The following DNTT variants were observed in gnomAD, a reference collection of about 807,000 sequenced individuals.
The protein encoded by DNTT is DNA nucleotidylexotransferase, also known as nucleosidetriphosphate:DNA deoxynucleotidylexotransferase.
In DNTT, 47 loss-of-function variants were observed where a neutral mutation model predicts 60.9. The observed-to-expected ratio is 0.77, with a 90% CI of 0.61 to 0.98. DNTT has a LOEUF of 0.98. Ranked by LOEUF, DNTT falls within the 50% of genes least tolerant of loss-of-function variation. DNTT has a pLI of 0.00. For missense variants in DNTT, 665 were observed against 627.5 expected, an observed-to-expected ratio of 1.06 and a Z score of -0.64; for synonymous variants, 224 against 221.2, an observed-to-expected ratio of 1.01 and a Z score of -0.11.
intron 1 of DNTT, among the ~76,000 whole-genome samples, chr10:96,308,912 G>A (rs976997017): frequency 1.3e-5 from 2 of 152,190 alleles, no homozygotes; most frequent in African/African-American, 4.8e-5. Flanking sequence ...CATCAGTTAA[G>A]GCTATTTTCA....
At chr10:96,327,316 C>T in intron 6 of DNTT, 152 bp from the exon 7 acceptor site, 1 of 1,177,400 alleles carries the variant, frequency 8.5e-7, no homozygotes. Context: ...AGGAGAACCA[C>T]ATGGACTATT....
chr10:96,337,814 A>G (rs1380379820), intron 10 of DNTT, among the ~76,000 whole-genome samples: 1 of 152,240 alleles, frequency 6.6e-6, no homozygotes, highest in East Asian at 1.9e-4. Context: ...GGACTGGGGT[A>G]TGGCTCAAGC....
At chr10:96,328,637 A>C (rs1844967499) in intron 7 of DNTT, 88 bp from the exon 8 acceptor site, 1 of 1,313,324 alleles carries the variant, frequency 7.6e-7, no homozygotes, top group Non-Finnish European at 1.1e-6. Flanking sequence ...GCAAATCTTA[A>C]GCATAGGGCA....
At chr10:96,337,463 G>T (rs77948073) in intron 10 of DNTT, among the ~76,000 whole-genome samples, 1 of 152,218 alleles carries the variant, frequency 6.6e-6, no homozygotes, top group Non-Finnish European at 1.5e-5. Flanking sequence ...GGAAAGCCTC[G>T]GATGCTAAGC....
chr10:96,310,084 C>T (rs1844692383), intron 1 of DNTT, among the ~76,000 whole-genome samples: 1 of 152,190 alleles, frequency 6.6e-6, no homozygotes, highest in African/African-American at 2.4e-5. Flanking sequence ...TCCAGGAAAG[C>T]TCCAATTAAC....
intron 2 of DNTT, among the ~76,000 whole-genome samples, 184 bp from the exon 3 acceptor site, chr10:96,319,078 T>C (rs1304925730): frequency 6.6e-6 from 1 of 152,146 alleles, no homozygotes; most frequent in East Asian, 1.9e-4. Flanking sequence ...TTTTTTTTTC[T>C]GATTTCAAAA....
chr10:96,307,779 T>TATATATA (rs560927751), intron 1 of DNTT, among the ~76,000 whole-genome samples: 1 of 139,822 alleles, frequency 7.2e-6, no homozygotes, highest in African/African-American at 2.8e-5. Flanking sequence ...ATATATATAT[T>TATATATA]TTTTTTTTTT....
intron 1 of DNTT, chr10:96,306,408 G>C (rs35925896): frequency 6.6e-6 from 1 of 152,038 alleles, no homozygotes; most frequent in Non-Finnish European, 1.5e-5. Flanking sequence ...AGATTTTTTG[G>C]AAAAGAAATT....
Position 96,318,458 on chromosome 10 carries a change from G to A in DNTT, c.310G>A (p.Val104Ile). 5 of 1,613,986 alleles carry A rather than the reference G, an allele frequency of 3.1e-6. No individual in the cohort carries two copies. Among genetic ancestry groups the A allele is most frequent in the Non-Finnish European group, 4.2e-6 (5 of 1,179,882 alleles). The stretch of plus-strand genomic sequence containing the variant: ...CAGCTCACAACCAGAGCTCCTCGAT[G>A]TCTCCTGGCTGATCGAATGCATAAG... ...QVSSQPELLD[V>I]SWLIECIRAG... Residue 104 changes from valine (V) to isoleucine (I), a missense_variant, in exon 2 of 11, where the codon GTC becomes ATC. Coordinates refer to ENST00000371174, the MANE Select transcript of DNTT (RefSeq NM_004088.4).
chr10:96,324,465 G>A (rs2133990927), intron 6 of DNTT, 76 bp downstream of exon 6: 5 of 1,582,108 alleles, frequency 3.2e-6, no homozygotes, highest in Non-Finnish European at 4.3e-6. Context: ...CAGTTACACT[G>A]CAACTCCAAT....
intron 1 of DNTT, among the ~76,000 whole-genome samples, chr10:96,309,674 T>A (rs576985944): frequency 5.6e-4 from 85 of 152,246 alleles, no homozygotes; most frequent in Non-Finnish European, 1.2e-3. Flanking sequence ...AATGCATTAT[T>A]TTTTTCCACC....
intron 1 of DNTT, among the ~76,000 whole-genome samples, chr10:96,307,777 A>ATTTTTTTTT (rs1554920345): frequency 7.9e-6 from 1 of 126,020 alleles, no homozygotes; most frequent in African/African-American, 3.1e-5. Context: ...ATATATATAT[A>ATTTTTTTTT]TTTTTTTTTT....
At chr10:96,315,413 GT>G (rs1350882338) in intron 1 of DNTT, among the ~76,000 whole-genome samples, 3 of 152,134 alleles carry the variant, frequency 2.0e-5, no homozygotes, top group Non-Finnish European at 4.4e-5. Context: ...GTTTTTGTGT[GT>G]GCTTAAGATT....
chr10:96,311,464 A>C (rs1844712952), intron 1 of DNTT, among the ~76,000 whole-genome samples: 1 of 152,176 alleles, frequency 6.6e-6, no homozygotes, highest in African/African-American at 2.4e-5. Context: ...ATCAACTAGG[A>C]AAAGAAAGAC....
intron 9 of DNTT, among the ~76,000 whole-genome samples, chr10:96,335,444 G>A (rs760760014): frequency 3.3e-5 from 5 of 152,174 alleles, no homozygotes; most frequent in Non-Finnish European, 5.9e-5. Flanking sequence ...GAGATGCACA[G>A]CCAGGTAGGG....
chr10:96,309,117 C>T (rs2133982756), intron 1 of DNTT, among the ~76,000 whole-genome samples: 1 of 152,320 alleles, frequency 6.6e-6, no homozygotes, highest in African/African-American at 2.4e-5. Flanking sequence ...TTGCATCTAC[C>T]TAGCCGTTTA....
intron 4 of DNTT, among the ~76,000 whole-genome samples, chr10:96,321,662 C>A (rs1417257557): frequency 6.6e-6 from 1 of 152,052 alleles, no homozygotes; most frequent in Non-Finnish European, 1.5e-5. Flanking sequence ...GTGACAACTG[C>A]CAGACCATCA....
Position 96,319,292 on chromosome 10 carries a change from C to T in DNTT, c.409C>T (p.Pro137Ser). 2 of 1,613,670 alleles carry T rather than the reference C, an allele frequency of 1.2e-6. No individual in the cohort carries two copies. The highest frequency in any genetic ancestry group is 1.1e-5 in the South Asian group (1 of 91,034). ...AAGAGACTATTCAGATAGCACCAACCCAGGCCCCCCGAAGACTCCACCAAT... is the reference window on the plus strand; with the variant it reads ...AAGAGACTATTCAGATAGCACCAACTCAGGCCCCCCGAAGACTCCACCAAT... ...VRRDYSDSTNPGPPKTPPIAV... is the reference protein window; with the variant it reads ...VRRDYSDSTNSGPPKTPPIAV... Residue 137 changes from proline to serine, a missense_variant, in exon 3 of 11, where the codon CCA (proline) becomes TCA (serine). Transcript: ENST00000371174.
intron 1 of DNTT, among the ~76,000 whole-genome samples, chr10:96,316,960 G>T (rs557766574): frequency 2.0e-5 from 3 of 152,042 alleles, no homozygotes; most frequent in African/African-American, 7.3e-5. Context: ...AATACCTCAT[G>T]AATCAGATTC....
Sources: allele counts gnomAD v4.1 joint callset (sites outside exome capture counted in the v4.1 genomes callset), GRCh38; gene constraint gnomAD v4.1.1; transcripts MANE v1.5; gene names NCBI Gene and HGNC (gene_info 2026-07-23, HGNC 2026-07-21).